FRMD5: variants seen among roughly 807,000 people sequenced by gnomAD.
FRMD5 encodes FERM domain-containing protein 5.
Under a neutral mutation model 69.0 loss-of-function variants are expected in FRMD5, and 20 were observed. The ratio of observed to expected loss-of-function variants is 0.29; its 90% CI spans 0.20 to 0.42. The LOEUF is 0.42. Ranked by LOEUF, FRMD5 falls within the 10% of genes least tolerant of loss-of-function variation. FRMD5 has a pLI of 1.00. For synonymous variants in FRMD5, 271 were observed against 260.1 expected, an observed-to-expected ratio of 1.04 and a Z score of -0.40; for missense variants, 595 against 708.6, an observed-to-expected ratio of 0.84 and a Z score of 1.82.
At chr15:44,091,354 AC>A (rs1369103425) in intron 1 of FRMD5, among the ~76,000 whole-genome samples, 1 of 152,134 alleles carries the variant, frequency 6.6e-6, no homozygotes, top group Non-Finnish European at 1.5e-5. Context: ...ATATATGCAC[AC>A]ACACACGCAC....
chr15:43,916,878 A>C (rs866353548), intron 4 of FRMD5, among the ~76,000 whole-genome samples: 2 of 151,328 alleles, frequency 1.3e-5, no homozygotes, highest in African/African-American at 4.9e-5. Context: ...TCCTGGGTTC[A>C]AGCGATTCTC....
chr15:44,195,539 T>C (rs898001535), upstream of FRMD5, among the ~76,000 whole-genome samples: 2 of 152,136 alleles, frequency 1.3e-5, no homozygotes, highest in African/African-American at 4.8e-5. Flanking sequence ...CCGGGCCAGG[T>C]GTGAGCACCC....
chr15:44,079,410 T>C (rs1279237853), intron 1 of FRMD5, among the ~76,000 whole-genome samples: 1 of 152,106 alleles, frequency 6.6e-6, no homozygotes, highest in African/African-American at 2.4e-5. Flanking sequence ...GATCCAGCAA[T>C]TGAGCTGGGT....
intron 1 of FRMD5, among the ~76,000 whole-genome samples, chr15:43,932,585 C>T (rs1248865484): frequency 6.6e-6 from 1 of 152,128 alleles, no homozygotes; most frequent in Non-Finnish European, 1.5e-5. Context: ...AGACACTATA[C>T]CTTTTAATGC....
rs1050824214 is a variant in FRMD5 at position 43,879,530 on chromosome 15, G to C, written c.1135+4173C>G. ...AATGCTCCAGCTGATTCCCTTGCCC[G>C]GGGGTCACAGCAGTCAGGACCCTAC... On this transcript the variant is annotated intron_variant, in intron 13 of 13. Coordinates refer to ENST00000417257, the MANE Select transcript of FRMD5 (RefSeq NM_032892.5). The C allele has an allele frequency of 4.0e-5, 16 of 398,912 alleles. No individual in the cohort carries two copies. In the Admixed American group the frequency reaches 4.8e-4, roughly 12 times the overall value. 24.7% of individuals were successfully genotyped at this position (398,912 alleles called of 1,614,324 possible).
At chr15:44,131,744 A>G (rs2077100980) in intron 1 of FRMD5, among the ~76,000 whole-genome samples, 1 of 152,242 alleles carries the variant, frequency 6.6e-6, no homozygotes, top group African/African-American at 2.4e-5. Context: ...ACTAGTTAAA[A>G]TCATAGAGAC....
rs555099640 is a variant in FRMD5 at position 44,138,283 on chromosome 15, T to C, written c.102+56670A>G. Among the ~76,000 whole-genome samples the C allele has an allele frequency of 2.6e-5, 4 of 152,120 alleles. No individual in the cohort carries two copies. In the South Asian group the frequency reaches 8.3e-4, roughly 32 times the overall value. On this transcript the variant is annotated intron_variant, in intron 1 of 13. Coordinates refer to ENST00000417257, the MANE Select transcript of FRMD5 (RefSeq NM_032892.5). ...AAGTATTTAGAATTCTCAAAGGATATAAAGGAAAAATAGCCATAAAACATA... is the reference window on the plus strand; with the variant it reads ...AAGTATTTAGAATTCTCAAAGGATACAAAGGAAAAATAGCCATAAAACATA...
At chr15:43,960,732 G>T (rs2090185484) in intron 1 of FRMD5, among the ~76,000 whole-genome samples, 1 of 152,186 alleles carries the variant, frequency 6.6e-6, no homozygotes. Context: ...AAAACCAACA[G>T]TTCTCCTTAG....
intron 1 of FRMD5, among the ~76,000 whole-genome samples, chr15:43,955,551 T>A (rs1388641104): frequency 1.3e-5 from 2 of 152,212 alleles, no homozygotes; most frequent in Admixed American, 1.3e-4. Flanking sequence ...TGTATGGCAT[T>A]ATGGAGAAGT....
At chr15:44,019,895 G>A (rs1891140205) in intron 1 of FRMD5, among the ~76,000 whole-genome samples, 1 of 152,052 alleles carries the variant, frequency 6.6e-6, no homozygotes, top group African/African-American at 2.4e-5. Context: ...TTATCATTAT[G>A]AGCAGATATG....
chr15:43,884,658 T>G, intron 12 of FRMD5, 69 bp downstream of exon 12: 2 of 1,463,720 alleles, frequency 1.4e-6, no homozygotes, highest in Non-Finnish European at 1.9e-6. Flanking sequence ...TTCACAGTAC[T>G]CAAACTGCTG....
intron 1 of FRMD5, among the ~76,000 whole-genome samples, chr15:43,945,372 T>C (rs1169098779): frequency 6.6e-6 from 1 of 152,210 alleles, no homozygotes; most frequent in Non-Finnish European, 1.5e-5. Context: ...TAAAAAATTT[T>C]CCTGAACCCA....
intron 1 of FRMD5, among the ~76,000 whole-genome samples, chr15:44,045,561 A>T (rs1385330828): frequency 1.3e-5 from 2 of 152,242 alleles, no homozygotes; most frequent in East Asian, 3.8e-4. Flanking sequence ...ATATGCACGT[A>T]TAAATTCAAC....
intron 1 of FRMD5, among the ~76,000 whole-genome samples, chr15:44,120,981 G>A (rs1472363657): frequency 4.6e-5 from 7 of 152,134 alleles, no homozygotes; most frequent in South Asian, 2.1e-4. Context: ...TTTAGTAGTC[G>A]TCAGTGTTTA....
chr15:44,013,206 T>C lies in FRMD5; in HGVS notation c.103-88897A>G, dbSNP rs1230494541. ...GAGTTTAAGACCAGCTTGGGCAACA[T>C]AGCAAGATCCTATCTTTACAAAAAC... On this transcript the variant is annotated intron_variant, in intron 1 of 13. Transcript: ENST00000417257. 2.6e-5 allele frequency among the ~76,000 whole-genome samples: 4 copies of C among 152,150 alleles called. No individual in the cohort carries two copies. The East Asian group carries it at 5.8e-4, about 22-fold the overall frequency.
At chr15:43,894,319 CG>C (rs1164818620) in intron 7 of FRMD5, among the ~76,000 whole-genome samples, 3 of 151,948 alleles carry the variant, frequency 2.0e-5, no homozygotes, top group African/African-American at 7.3e-5. Flanking sequence ...AAGCAGGACC[CG>C]GGGAAGTCCT....
intron 1 of FRMD5, among the ~76,000 whole-genome samples, chr15:43,938,231 CAAAAAAAAAA>C (rs775430626): frequency 6.1e-5 from 4 of 65,176 alleles, no homozygotes; most frequent in Admixed American, 4.7e-4. Flanking sequence ...GACTCCGTCT[CAAAAAAAAAA>C]AAAAAAAAAA....
chr15:43,961,665 G>C (rs2090203612), intron 1 of FRMD5, among the ~76,000 whole-genome samples: 1 of 152,134 alleles, frequency 6.6e-6, no homozygotes, highest in Admixed American at 6.5e-5. Flanking sequence ...GTAAAATACT[G>C]GCAAACCGAA....
chr15:43,879,159 GCT>G (rs2088454398), intron 13 of FRMD5, among the ~76,000 whole-genome samples: 1 of 151,830 alleles, frequency 6.6e-6, no homozygotes, highest in Non-Finnish European at 1.5e-5. Context: ...GCTGGTCTGA[GCT>G]CCTGACCTCA....
Sources: gnomAD v4.1 joint callset for allele counts (sites outside exome capture counted in the v4.1 genomes callset) on GRCh38, gnomAD v4.1.1 for gene constraint, MANE v1.5 for transcripts, NCBI Gene and HGNC (gene_info 2026-07-23, HGNC 2026-07-21) for gene names.